ATG4D: variants seen among roughly 807,000 people sequenced by gnomAD.
The protein encoded by ATG4D is cysteine protease ATG4D.
In ATG4D, 51 loss-of-function variants were observed where a neutral mutation model predicts 55.2. The ratio of observed to expected loss-of-function variants is 0.92; its 90% CI spans 0.74 to 1.17. The LOEUF (loss-of-function observed/expected upper bound fraction) is 1.17, where lower values mean the gene tolerates loss of function less well. ATG4D is among the 50% of genes most tolerant of loss of function. The pLI is 0.00. For synonymous variants in ATG4D, 268 were observed against 266.2 expected (o/e 1.01, Z -0.07); for missense variants, 635 against 649.6 (o/e 0.98, Z 0.25).
Position 10,547,313 on chromosome 19 carries a change from C to T in ATG4D, c.835+60C>T, listed in dbSNP as rs891271408. ...ACCCTGAGCCAGACTCTGCCTTACC[C>T]GATTCTTAGAGTGCATCTTCCTCAG... On this transcript the variant is annotated intron_variant, in intron 5 of 9. Coordinates refer to ENST00000309469, the MANE Select transcript of ATG4D (RefSeq NM_032885.6). 28 of 1,573,240 alleles carry T rather than the reference C, an allele frequency of 1.8e-5. 1 individual carries two copies. Among genetic ancestry groups the T allele is most frequent in the South Asian group, 7.9e-5 (7 of 89,042 alleles).
rs1916131630 is a variant in ATG4D, at chr19:10,548,889, G to A, written c.836-15G>A. The A allele has an allele frequency of 1.2e-6, 2 of 1,611,976 alleles. No individual in the cohort carries two copies. Among genetic ancestry groups the A allele is most frequent in the East Asian group, 4.5e-5 (2 of 44,814 alleles). On this transcript the variant is annotated splice_polypyrimidine_tract_variant and intron_variant, in intron 5 of 9. Transcript: ENST00000309469. The stretch of plus-strand genomic sequence containing the variant: ...GGTGGCAAGAAGGTGACCTGCTGCT[G>A]TCCCGTCCCTCCAGTGTACAAGGCG...
chr19:10,552,835 A>G, intron 9 of ATG4D, 50 bp from the exon 10 acceptor site: 3 of 1,552,162 alleles, frequency 1.9e-6, no homozygotes, highest in Non-Finnish European at 2.6e-6. Flanking sequence ...GGGCTAAGGA[A>G]TATGGCTTGG....
In ATG4D at chr19:10,543,920, A is replaced by G. The variant is rs1396996598; in HGVS notation, c.-171A>G. 6 of 407,166 alleles carry G rather than the reference A, an allele frequency of 1.5e-5. No homozygotes were observed. The highest frequency in any genetic ancestry group is 2.5e-5 in the Non-Finnish European group (6 of 240,476). The allele number at this position is 407,166 out of a possible 1,614,324, so 25.2% of individuals were successfully genotyped here. A position where few individuals can be genotyped will look rare whatever the true frequency, so the allele number is the denominator to read the frequency against. ...TCATCCGGGGTCCTGGCCCGCTAAG[A>G]TGGCGATGGCTGCGGTAGCAGCGGC... On this transcript the variant is annotated 5_prime_UTR_variant, in exon 1 of 10. The change abolishes an upstream ATG in the 5' untranslated region. Coordinates refer to ENST00000309469, the MANE Select transcript of ATG4D (RefSeq NM_032885.6).
At chr19:10,547,766 G>A (rs892056077) in intron 5 of ATG4D, among the ~76,000 whole-genome samples, 4 of 151,282 alleles carry the variant, frequency 2.6e-5, no homozygotes, top group East Asian at 2.0e-4. Flanking sequence ...GCACGATCTC[G>A]GCTCACTGCA....
At chr19:10,549,626 C>T (rs913213292) in intron 6 of ATG4D, among the ~76,000 whole-genome samples, 9 of 151,234 alleles carry the variant, frequency 6.0e-5, no homozygotes, top group Non-Finnish European at 1.0e-4. Context: ...CCATGTTGGC[C>T]AGGCTGGTTC....
rs77956256 is a variant in ATG4D at position 10,553,321 on chromosome 19, C to T, written c.*254C>T. On this transcript the variant is annotated 3_prime_UTR_variant, in exon 10 of 10. Transcript: ENST00000309469. Reference sequence around the variant, plus strand: ...GGCACCCCCCTCAGGGCCTGACTCACGTACTGTAGTTTGCACTGGACGCCC... The same window carrying T: ...GGCACCCCCCTCAGGGCCTGACTCATGTACTGTAGTTTGCACTGGACGCCC... 6.4e-3 allele frequency: 2,979 copies of T among 465,518 alleles called. 18 individuals carry two copies. Among genetic ancestry groups the T allele is most frequent in the Non-Finnish European group, 9.6e-3 (2,507 of 259,794 alleles). 28.8% of individuals were successfully genotyped at this position (465,518 alleles called of 1,614,324 possible).
intron 3 of ATG4D, among the ~76,000 whole-genome samples, chr19:10,546,351 TA>T (rs893061171): frequency 9.4e-5 from 14 of 149,414 alleles, no homozygotes; most frequent in East Asian, 7.8e-4. Context: ...TTATTATTAT[TA>T]TTTTTTTTTT....
At position 10,548,962 on chromosome 19, in the gene ATG4D, G is replaced by C. The variant is rs1332454584; in HGVS notation, c.894G>C (p.Lys298Asn). 1 of 1,614,108 alleles carries C rather than the reference G, an allele frequency of 6.2e-7. No individual in the cohort carries two copies. The highest frequency in any genetic ancestry group is 8.5e-7 in the Non-Finnish European group (1 of 1,180,010). Residue 298 changes from lysine (K) to asparagine (N), a missense_variant, in exon 6 of 10, where the codon AAG (lysine) becomes AAC (asparagine). By Grantham distance (94) the Lys-to-Asn change is moderately conservative. Transcript: ENST00000309469. ...VARPDPTAEW[K>N]SVVILVPVRL... ...GGCCAGACCCCACAGCCGAGTGGAA[G>C]TCTGTGGTCATCCTGGTGCCCGTGC... is the stretch of plus-strand genomic sequence containing the variant.
intron 3 of ATG4D, among the ~76,000 whole-genome samples, chr19:10,545,358 G>A (rs1007108538): frequency 1.3e-5 from 2 of 150,930 alleles, no homozygotes; most frequent in African/African-American, 2.4e-5. Flanking sequence ...GATCCCTTGC[G>A]GTCAGGAGTT....
chr19:10,551,613 T>C (rs997895106), intron 6 of ATG4D, among the ~76,000 whole-genome samples: 4 of 148,438 alleles, frequency 2.7e-5, no homozygotes, highest in Non-Finnish European at 5.9e-5. Context: ...GGCAGGAGAA[T>C]CGCTTGAACT....
At chr19:10,547,291 C>G (rs750642667) in intron 5 of ATG4D, 38 bp downstream of exon 5, 2 of 1,600,058 alleles carry the variant, frequency 1.2e-6, no homozygotes, top group South Asian at 2.2e-5. Flanking sequence ...GGGCCCCACC[C>G]TGAGCCAGAC....
chr19:10,552,395 A>G lies in ATG4D; in HGVS notation c.1242+71A>G. The stretch of plus-strand genomic sequence containing the variant: ...AGGGCTGGGGGTGAAAGAGGAACAG[A>G]GGCCTCGAGTCCAGCAGAGCTGGGG... On this transcript the variant is annotated intron_variant, in intron 9 of 9. Transcript: ENST00000309469. 2.6e-6 allele frequency: 4 copies of G among 1,527,378 alleles called. No individual in the cohort carries two copies. In the South Asian group the frequency reaches 3.7e-5, roughly 14 times the overall value. 94.6% of individuals were successfully genotyped at this position (1,527,378 alleles called of 1,614,324 possible).
chr19:10,550,664 T>C (rs1916191885), intron 6 of ATG4D, among the ~76,000 whole-genome samples: 1 of 150,310 alleles, frequency 6.7e-6, no homozygotes, highest in African/African-American at 2.4e-5. Flanking sequence ...TTGCGCTTGC[T>C]GCCCCTGCTG....
intron 6 of ATG4D, among the ~76,000 whole-genome samples, chr19:10,551,338 T>C (rs1884908550): frequency 6.6e-6 from 1 of 152,046 alleles, no homozygotes; most frequent in Admixed American, 6.6e-5. Flanking sequence ...GGCGGGCGCC[T>C]GTAATCCCAG....
In ATG4D at chr19:10,545,120, C is replaced by T. The variant is rs753619053; in HGVS notation, c.483C>T (p.Phe161=). ...MMLAQGLLLH[F]LPRDWTWAEG... ...TGGCACAGGGCCTTCTGCTGCATTTCCTGCCCAGAGGTGAGCCATAGGGGG... is the reference window on the plus strand; with the variant it reads ...TGGCACAGGGCCTTCTGCTGCATTTTCTGCCCAGAGGTGAGCCATAGGGGG... The change falls in exon 3 of 10, where the codon TTC becomes TTT. Residue 161 remains phenylalanine, a synonymous_variant. Transcript: ENST00000309469. 1 of 1,610,366 alleles carries T rather than the reference C, an allele frequency of 6.2e-7. No individual in the cohort carries two copies. The highest frequency in any genetic ancestry group is 8.5e-7 in the Non-Finnish European group (1 of 1,179,992).
chr19:10,546,797 C>A, intron 3 of ATG4D, 42 bp from the exon 4 acceptor site: 1 of 1,517,220 alleles, frequency 6.6e-7, no homozygotes, highest in Non-Finnish European at 8.8e-7. Context: ...CCTCTGCCCC[C>A]CACACACTAG....
chr19:10,549,087 T>C, intron 6 of ATG4D, 53 bp downstream of exon 6: 1 of 1,606,042 alleles, frequency 6.2e-7, no homozygotes, highest in Non-Finnish European at 8.5e-7. Context: ...TCCAGACTTG[T>C]TTAGTTTGTG....
At chr19:10,544,933 C>A (rs752389278) in intron 2 of ATG4D, 24 bp from the exon 3 acceptor site, 1 of 1,581,326 alleles carries the variant, frequency 6.3e-7, no homozygotes, top group Admixed American at 1.8e-5. Context: ...TCCCTGGTGG[C>A]AGCTGACAGA....
chr19:10,547,504 T>C (rs1216790934), intron 5 of ATG4D, among the ~76,000 whole-genome samples: 3 of 151,576 alleles, frequency 2.0e-5, no homozygotes, highest in Admixed American at 6.6e-5. Context: ...TGGCACATAC[T>C]GTAGTCTCAG....
Sources: gnomAD v4.1 joint callset for allele counts (sites outside exome capture counted in the v4.1 genomes callset) on GRCh38, gnomAD v4.1.1 for gene constraint, MANE v1.5 for transcripts, NCBI Gene and HGNC (gene_info 2026-07-23, HGNC 2026-07-21) for gene names.